TSHR: variants seen among roughly 807,000 people sequenced by gnomAD.
TSHR encodes the protein thyroid stimulating hormone receptor, also known as thyrotropin receptor.
TSHR carries 51 observed loss-of-function variants against 64.1 expected under a neutral mutation model. The observed-to-expected ratio is 0.80, with a 90% CI of 0.64 to 1.01. The LOEUF (loss-of-function observed/expected upper bound fraction) is 1.01, where lower values mean the gene tolerates loss of function less well. TSHR is among the 50% of genes least tolerant of loss of function. The pLI is 0.00. For missense variants in TSHR, 877 were observed against 942.8 expected (o/e 0.93, Z 0.91); for synonymous variants, 361 against 361.9 (o/e 1.00, Z 0.03).
chr14:81,070,994 A>C (rs1164675475), intron 3 of TSHR, among the ~76,000 whole-genome samples: 3 of 152,200 alleles, frequency 2.0e-5, no homozygotes, highest in African/African-American at 7.2e-5. Flanking sequence ...AATATAAATG[A>C]ACCTTGACTG....
chr14:81,067,325 C>A, intron 2 of TSHR, among the ~76,000 whole-genome samples: 1 of 151,756 alleles, frequency 6.6e-6, no homozygotes, highest in East Asian at 1.9e-4. Flanking sequence ...TAAGAGTCGA[C>A]AACATGCCAA....
chr14:81,091,155 C>G lies in TSHR; in HGVS notation c.467+12C>G. The G allele has an allele frequency of 3.7e-6, 6 of 1,603,336 alleles. No homozygotes were observed. Among genetic ancestry groups the G allele is most frequent in the Non-Finnish European group, 5.1e-6 (6 of 1,172,712 alleles). ...ATATTCTTTATACTGTAAGTATGCA[C>G]ACATGCCATGTTTGACAATATTTTG... On this transcript the variant is annotated intron_variant, in intron 5 of 9. Transcript: ENST00000298171.
chr14:81,018,061 C>A (rs765916102), intron 1 of TSHR, among the ~76,000 whole-genome samples: 15 of 152,112 alleles, frequency 9.9e-5, no homozygotes, highest in Non-Finnish European at 1.6e-4. Flanking sequence ...GAACTCCTGA[C>A]CTCAAATGAT....
At chr14:80,996,601 GC>G (rs1158874679) in intron 1 of TSHR, among the ~76,000 whole-genome samples, 3 of 151,660 alleles carry the variant, frequency 2.0e-5, no homozygotes, top group African/African-American at 4.8e-5. Flanking sequence ...TCCTCAACTG[GC>G]AAGAAGCACT....
intron 8 of TSHR, among the ~76,000 whole-genome samples, chr14:81,136,656 G>C (rs987988370): frequency 2.0e-5 from 3 of 152,176 alleles, no homozygotes; most frequent in Admixed American, 6.5e-5. Flanking sequence ...ATTGCTTTTG[G>C]CTTCAGCTCA....
intron 3 of TSHR, among the ~76,000 whole-genome samples, chr14:81,087,098 A>G (rs763101989): frequency 6.6e-6 from 1 of 152,210 alleles, no homozygotes; most frequent in Non-Finnish European, 1.5e-5. Flanking sequence ...AAAACTTTAA[A>G]AATTACAGAG....
intron 2 of TSHR, among the ~76,000 whole-genome samples, chr14:81,062,900 G>T (rs1886344271): frequency 6.6e-6 from 1 of 152,048 alleles, no homozygotes; most frequent in South Asian, 2.1e-4. Context: ...TACTCACTCC[G>T]TGGCCATTTT....
intron 3 of TSHR, among the ~76,000 whole-genome samples, chr14:81,083,906 G>A (rs929164091): frequency 1.3e-5 from 2 of 152,164 alleles, no homozygotes; most frequent in African/African-American, 4.8e-5. Context: ...GCAGAGCAAA[G>A]TGGGGTAGAT....
rs2075177 is a variant in TSHR at position 81,092,877 on chromosome 14, G to A, written c.545+269G>A. On this transcript the variant is annotated intron_variant, in intron 6 of 9. Transcript: ENST00000298171. The stretch of plus-strand genomic sequence containing the variant: ...GAACCAGTTAGGCATTACAGACCAT[G>A]CAACCTCTGTAGGAACTGGTCAACT... Among the ~76,000 whole-genome samples, 33,117 of 152,120 alleles carry A rather than the reference G, an allele frequency of 0.22. 4,836 individuals are homozygous for A. Among genetic ancestry groups the A allele is most frequent in the African/African-American group, 0.41 (17,118 of 41,448 alleles).
intron 1 of TSHR, among the ~76,000 whole-genome samples, chr14:81,042,486 T>C (rs2139847792): frequency 6.6e-6 from 1 of 152,214 alleles, no homozygotes; most frequent in South Asian, 2.1e-4. Flanking sequence ...TCATTTGGGG[T>C]AATATGGATT....
intron 7 of TSHR, chr14:81,104,955 A>C (rs1889802876): frequency 1.0e-6 from 1 of 985,326 alleles, no homozygotes; most frequent in Non-Finnish European, 1.2e-6. Flanking sequence ...TTTTCTCATA[A>C]GCCCTTTCCA....
chr14:81,024,571 C>G (rs1375937105), intron 1 of TSHR, among the ~76,000 whole-genome samples: 1 of 152,074 alleles, frequency 6.6e-6, no homozygotes, highest in East Asian at 1.9e-4. Context: ...TATAGCAATT[C>G]TGCACCGACA....
At chr14:81,123,140 A>T (rs1044691979) in intron 8 of TSHR, among the ~76,000 whole-genome samples, 10 of 149,196 alleles carry the variant, frequency 6.7e-5, no homozygotes, top group Middle Eastern at 3.4e-3. Context: ...AAAAAAAAAA[A>T]ATTAACACTT....
intron 8 of TSHR, among the ~76,000 whole-genome samples, chr14:81,131,444 A>C (rs189790094): frequency 3.9e-5 from 6 of 152,254 alleles, no homozygotes; most frequent in Admixed American, 3.9e-4. Flanking sequence ...CAGCCTTTTG[A>C]TCTCACTTCC....
At chr14:81,085,124 G>A (rs950128409) in intron 3 of TSHR, among the ~76,000 whole-genome samples, 1 of 152,050 alleles carries the variant, frequency 6.6e-6, no homozygotes, top group Non-Finnish European at 1.5e-5. Context: ...ACCACACCCG[G>A]CTAATTTTTG....
intron 7 of TSHR, among the ~76,000 whole-genome samples, chr14:81,097,995 A>T (rs10129380): frequency 0.26 from 38,979 of 152,100 alleles, 7,463 homozygotes; most frequent in African/African-American, 0.54. Flanking sequence ...TATTTACAGA[A>T]TTGGAGAGAC....
intron 2 of TSHR, among the ~76,000 whole-genome samples, chr14:81,063,404 C>G (rs1252606240): frequency 6.6e-6 from 1 of 152,124 alleles, no homozygotes; most frequent in Non-Finnish European, 1.5e-5. Context: ...TTTCCTAATA[C>G]AGCTAATTTC....
intron 1 of TSHR, among the ~76,000 whole-genome samples, chr14:80,971,047 C>T (rs916260008): frequency 2.0e-5 from 3 of 152,116 alleles, no homozygotes; most frequent in African/African-American, 7.2e-5. Context: ...TGGTCTTGAA[C>T]TCCTGACCTC....
intron 1 of TSHR, among the ~76,000 whole-genome samples, chr14:80,991,062 T>C (rs17111361): frequency 0.17 from 25,480 of 152,212 alleles, 2,583 homozygotes; most frequent in African/African-American, 0.28. Context: ...TTAAGAATTA[T>C]GTGCAAATCC....
Sources: gnomAD v4.1 joint callset for allele counts (sites outside exome capture counted in the v4.1 genomes callset) on GRCh38, gnomAD v4.1.1 for gene constraint, MANE v1.5 for transcripts, NCBI Gene and HGNC (gene_info 2026-07-23, HGNC 2026-07-21) for gene names.